The following LCLAT1 variants were observed in gnomAD, a reference collection of about 807,000 sequenced individuals.
The protein encoded by LCLAT1 is lysocardiolipin acyltransferase 1, also known as 1-AGP acyltransferase 8.
Under a neutral mutation model 30.7 loss-of-function variants are expected in LCLAT1, and 11 were observed. That is an observed-to-expected ratio of 0.36 (90% CI 0.23 to 0.59). LCLAT1 has a LOEUF of 0.59. Among genes scored for constraint, LCLAT1 ranks in the 20% least tolerant of loss-of-function variants. The probability of loss-of-function intolerance (pLI) is 0.77; values close to 1 mark genes in which losing one functional copy is unlikely to be tolerated. For synonymous variants in LCLAT1, 155 were observed against 151.3 expected (o/e 1.02, Z -0.18); for missense variants, 402 against 458.6 (o/e 0.88, Z 1.13).
chr2:30,557,780 G>A (rs536398322), intron 3 of LCLAT1, among the ~76,000 whole-genome samples: 1 of 152,262 alleles, frequency 6.6e-6, no homozygotes, highest in East Asian at 1.9e-4. Context: ...ATTGAGGGAA[G>A]TGGTGATAAA....
intron 1 of LCLAT1, among the ~76,000 whole-genome samples, chr2:30,487,533 A>C (rs969534789): frequency 2.6e-5 from 4 of 152,226 alleles, no homozygotes; most frequent in African/African-American, 9.6e-5. Context: ...AAAACAAACT[A>C]AAATCTGCCT....
At chr2:30,528,539 A>G (rs1685839872) in intron 2 of LCLAT1, among the ~76,000 whole-genome samples, 1 of 152,224 alleles carries the variant, frequency 6.6e-6, no homozygotes, top group Non-Finnish European at 1.5e-5. Flanking sequence ...TTTTTAAACA[A>G]TATACAAACC....
chr2:30,619,062 G>T (rs1225343552), intron 5 of LCLAT1, among the ~76,000 whole-genome samples: 7 of 152,154 alleles, frequency 4.6e-5, no homozygotes, highest in Admixed American at 1.3e-4. Flanking sequence ...AGAAGACCAA[G>T]AATAGTACAC....
At chr2:30,623,219 A>T (rs940856745) in intron 5 of LCLAT1, among the ~76,000 whole-genome samples, 2 of 151,792 alleles carry the variant, frequency 1.3e-5, no homozygotes, top group Non-Finnish European at 2.9e-5. Flanking sequence ...ACGCCCAGCT[A>T]ATTTTTTGTA....
At position 30,525,568 on chromosome 2, in the gene LCLAT1, CCT is replaced by C; in HGVS notation, c.-4-18_-4-17del. 6.3e-7 allele frequency: 1 copy of C among 1,591,812 alleles called. No homozygotes were observed. The highest frequency in any genetic ancestry group is 8.6e-7 in the Non-Finnish European group (1 of 1,160,802). ...TTAAATGTATAGTAACAAAATATAT[CCT>C]TTTTTATATCTTTCAGAATCATGGT... On this transcript the variant is annotated splice_polypyrimidine_tract_variant and intron_variant, in intron 1 of 5. Coordinates refer to ENST00000379509, the MANE Select transcript of LCLAT1 (RefSeq NM_001002257.3).
chr2:30,545,750 C>T (rs551282428), intron 3 of LCLAT1, among the ~76,000 whole-genome samples: 24 of 152,178 alleles, frequency 1.6e-4, no homozygotes, highest in African/African-American at 5.8e-4. Flanking sequence ...AAATATTAAA[C>T]TTAAAACAGT....
At chr2:30,516,021 T>C (rs1395952939) in intron 1 of LCLAT1, among the ~76,000 whole-genome samples, 2 of 152,160 alleles carry the variant, frequency 1.3e-5, no homozygotes, top group African/African-American at 2.4e-5. Flanking sequence ...GGAAGGTGAC[T>C]GTATCCACCT....
chr2:30,463,927 C>T (rs1158058410), intron 1 of LCLAT1, among the ~76,000 whole-genome samples: 2 of 152,178 alleles, frequency 1.3e-5, no homozygotes, highest in Non-Finnish European at 1.5e-5. Context: ...ATAGTGCCTC[C>T]GTGAGCATTT....
intron 1 of LCLAT1, among the ~76,000 whole-genome samples, chr2:30,507,152 T>C (rs1374407960): frequency 6.6e-6 from 1 of 152,178 alleles, no homozygotes; most frequent in Non-Finnish European, 1.5e-5. Context: ...GATTTTGTCA[T>C]TTGAATCAAA....
intron 4 of LCLAT1, among the ~76,000 whole-genome samples, chr2:30,566,859 A>G (rs1665507879): frequency 1.3e-5 from 2 of 152,226 alleles, no homozygotes; most frequent in Admixed American, 6.5e-5. Flanking sequence ...TTTGCCAACA[A>G]CTGGAACATG....
chr2:30,464,598 G>A (rs1682327504), intron 1 of LCLAT1, among the ~76,000 whole-genome samples: 1 of 152,174 alleles, frequency 6.6e-6, no homozygotes, highest in African/African-American at 2.4e-5. Flanking sequence ...GTGCAGATAG[G>A]TAGTTTGAGA....
chr2:30,606,128 T>C (rs1667438419), intron 5 of LCLAT1: 1 of 858,888 alleles, frequency 1.2e-6, no homozygotes, highest in East Asian at 8.2e-5. Flanking sequence ...TGCTCATGGA[T>C]TGGAAGAATC....
intron 1 of LCLAT1, among the ~76,000 whole-genome samples, chr2:30,479,560 T>C (rs1268632127): frequency 6.6e-6 from 1 of 152,170 alleles, no homozygotes; most frequent in African/African-American, 2.4e-5. Flanking sequence ...TATATGTTTG[T>C]TAATTCCATT....
intron 3 of LCLAT1, among the ~76,000 whole-genome samples, chr2:30,559,387 C>T (rs1665088269): frequency 6.6e-6 from 1 of 152,198 alleles, no homozygotes; most frequent in African/African-American, 2.4e-5. Context: ...AGTCATTACC[C>T]ACTTATCTGA....
chr2:30,637,508 T>G (rs1365241717), intron 5 of LCLAT1, among the ~76,000 whole-genome samples: 1 of 152,146 alleles, frequency 6.6e-6, no homozygotes, highest in African/African-American at 2.4e-5. Flanking sequence ...CAGCCCTTTC[T>G]CAAATGGTAA....
At chr2:30,583,167 T>A (rs1666277877) in intron 5 of LCLAT1, among the ~76,000 whole-genome samples, 1 of 152,240 alleles carries the variant, frequency 6.6e-6, no homozygotes, top group Non-Finnish European at 1.5e-5. Flanking sequence ...AAAAGGATGA[T>A]AGTATGGCTT....
chr2:30,475,475 G>T (rs1465227459), intron 1 of LCLAT1, among the ~76,000 whole-genome samples: 1 of 152,046 alleles, frequency 6.6e-6, no homozygotes, highest in Non-Finnish European at 1.5e-5. Flanking sequence ...TATATAATGG[G>T]GTTGGAAAGA....
chr2:30,613,727 CAT>C (rs1159384077), intron 5 of LCLAT1, among the ~76,000 whole-genome samples: 1 of 109,246 alleles, frequency 9.2e-6, no homozygotes, highest in Non-Finnish European at 1.9e-5. Context: ...AGCAGACAAA[CAT>C]GTGAACAAAG....
intron 5 of LCLAT1, among the ~76,000 whole-genome samples, chr2:30,639,126 T>C (rs1669177456): frequency 6.6e-6 from 1 of 152,220 alleles, no homozygotes; most frequent in Non-Finnish European, 1.5e-5. Context: ...TTCTGAAGAA[T>C]AACATGGGGT....
Sources: allele counts gnomAD v4.1 joint callset (sites outside exome capture counted in the v4.1 genomes callset), GRCh38; gene constraint gnomAD v4.1.1; transcripts MANE v1.5; gene names NCBI Gene and HGNC (gene_info 2026-07-23, HGNC 2026-07-21).